Variants in SLC14A2 observed in about 807,000 individuals in gnomAD.
SLC14A2 encodes solute carrier family 14 member 2.
SLC14A2 carries 91 observed loss-of-function variants against 104.6 expected under a neutral mutation model. That is an observed-to-expected ratio of 0.87 (90% CI 0.73 to 1.04). The LOEUF is 1.04. Ranked by LOEUF, SLC14A2 falls within the 50% of genes least tolerant of loss-of-function variation. The pLI is 0.00. For synonymous variants in SLC14A2, 476 were observed against 466.4 expected (o/e 1.02, Z -0.27); for missense variants, 1,189 against 1,156.0 (o/e 1.03, Z -0.41).
rs2043340977 is a variant in SLC14A2, at chr18:45,509,917, C to G, written c.-35+26595C>G. 1.3e-5 allele frequency among the ~76,000 whole-genome samples: 2 copies of G among 152,188 alleles called. 1 individual carries two copies. The highest frequency in any genetic ancestry group is 4.1e-4 in the South Asian group (2 of 4,830). On this transcript the variant is annotated intron_variant, in intron 2 of 20. Coordinates refer to the SLC14A2 transcript ENST00000586448. ...GGTTCCATGTTAGAACCTGAGAGAC[C>G]TTGGAGAGGATCCCATCCATCCTCT...
At chr18:45,214,263 G>A (rs1251161495) in intron 1 of SLC14A2, among the ~76,000 whole-genome samples, 1 of 152,146 alleles carries the variant, frequency 6.6e-6, no homozygotes, top group Non-Finnish European at 1.5e-5. Context: ...GAAAGGCTTG[G>A]GTTTGTTTTG....
chr18:45,172,549 G>A, the SLC14A2 span, among the ~76,000 whole-genome samples: 3 of 152,016 alleles, frequency 2.0e-5, no homozygotes, highest in African/African-American at 7.2e-5. Context: ...ATTTATCAGT[G>A]GTTTAGGTGT....
In SLC14A2 at chr18:45,626,191, A is replaced by G. The variant is rs139961542; in HGVS notation, c.331+328A>G. ...ATTAGCAACATATAAGCCATTTCCC[A>G]AGCTAGCTGAATGATCATTCCTTCA... On this transcript the variant is annotated intron_variant, in intron 3 of 19. Coordinates refer to ENST00000255226, the MANE Select transcript of SLC14A2 (RefSeq NM_007163.4). Among the ~76,000 whole-genome samples the G allele has an allele frequency of 1.0e-3, 153 of 152,298 alleles. 2 individuals carry two copies. The highest frequency in any genetic ancestry group is 3.5e-3 in the African/African-American group (146 of 41,570).
At chr18:45,524,409 T>A (rs534135343) in intron 2 of SLC14A2, among the ~76,000 whole-genome samples, 2 of 152,166 alleles carry the variant, frequency 1.3e-5, no homozygotes, top group Non-Finnish European at 1.5e-5. Context: ...GTGAATAGAA[T>A]GCAAGAAAGA....
chr18:45,601,152 G>C (rs1156539380), intron 2 of SLC14A2, among the ~76,000 whole-genome samples: 1 of 152,166 alleles, frequency 6.6e-6, no homozygotes, highest in Non-Finnish European at 1.5e-5. Context: ...TGGTATGGTG[G>C]AAAAACAAAA....
chr18:45,527,226 T>C (rs564974850), intron 2 of SLC14A2, among the ~76,000 whole-genome samples: 89 of 152,304 alleles, frequency 5.8e-4, no homozygotes, highest in African/African-American at 2.0e-3. Flanking sequence ...GGATGGCAGA[T>C]TTATCAAGGT....
At chr18:45,555,827 A>T (rs1304597276) in intron 2 of SLC14A2, among the ~76,000 whole-genome samples, 1 of 152,204 alleles carries the variant, frequency 6.6e-6, no homozygotes, top group East Asian at 1.9e-4. Context: ...AATTACAAAG[A>T]AAACAGGGAT....
chr18:45,198,410 T>C, the SLC14A2 span, among the ~76,000 whole-genome samples: 1 of 152,194 alleles, frequency 6.6e-6, no homozygotes, highest in Non-Finnish European at 1.5e-5. Context: ...TTGCATCTAG[T>C]TGGTCACATT....
At chr18:45,442,229 T>C (rs1296478594) in intron 1 of SLC14A2, among the ~76,000 whole-genome samples, 2 of 152,218 alleles carry the variant, frequency 1.3e-5, no homozygotes, top group African/African-American at 4.8e-5. Context: ...AGGATAGGAC[T>C]ATTCAAAGGC....
chr18:45,499,998 G>A (rs182507065), intron 2 of SLC14A2, among the ~76,000 whole-genome samples: 1 of 152,316 alleles, frequency 6.6e-6, no homozygotes, highest in African/African-American at 2.4e-5. Flanking sequence ...TGACGATAGA[G>A]CATTCCTACA....
chr18:45,542,046 T>TG (rs1568268299), intron 2 of SLC14A2, among the ~76,000 whole-genome samples: 221 of 105,322 alleles, frequency 2.1e-3, no homozygotes, highest in Middle Eastern at 8.8e-3. Context: ...TTTTTTTTTT[T>TG]TTTTTTTTTT....
intron 1 of SLC14A2, among the ~76,000 whole-genome samples, chr18:45,279,809 G>A (rs1161579247): frequency 3.3e-5 from 5 of 152,158 alleles, no homozygotes; most frequent in African/African-American, 1.2e-4. Context: ...CGACCCATGA[G>A]AACAGAAGCT....
chr18:45,436,395 T>C (rs1173039555), intron 1 of SLC14A2, among the ~76,000 whole-genome samples: 2 of 152,128 alleles, frequency 1.3e-5, no homozygotes, highest in African/African-American at 4.8e-5. Context: ...TAATGGTAAT[T>C]TATCCACAGA....
chr18:45,488,275 C>A (rs1050729308), intron 2 of SLC14A2, among the ~76,000 whole-genome samples: 2 of 152,092 alleles, frequency 1.3e-5, no homozygotes, highest in African/African-American at 4.8e-5. Context: ...AGGAAAAAAA[C>A]AAGCAGATTG....
At chr18:45,195,912 C>T in the SLC14A2 span, among the ~76,000 whole-genome samples, 3 of 151,858 alleles carry the variant, frequency 2.0e-5, no homozygotes, top group African/African-American at 7.3e-5. Context: ...TTTAATTGAG[C>T]AAAGAAAAAT....
In SLC14A2 at chr18:45,229,942, G is replaced by A. The variant is rs142905272; in HGVS notation, c.-125+16751G>A. On this transcript the variant is annotated intron_variant, in intron 1 of 20. Coordinates refer to the SLC14A2 transcript ENST00000586448. ...GTGCTTGCTACACAGCCTTGGGCAAGTCAGTTAATATTCTCAGGCCTCTGT... is the reference window on the plus strand; with the variant it reads ...GTGCTTGCTACACAGCCTTGGGCAAATCAGTTAATATTCTCAGGCCTCTGT... Among the ~76,000 whole-genome samples the A allele has an allele frequency of 4.8e-3, 733 of 152,334 alleles. 10 individuals are homozygous for A. Among genetic ancestry groups the A allele is most frequent in the African/African-American group, 0.016 (678 of 41,582 alleles).
chr18:45,353,160 A>G (rs2085519318), intron 1 of SLC14A2, among the ~76,000 whole-genome samples: 1 of 152,190 alleles, frequency 6.6e-6, no homozygotes, highest in Non-Finnish European at 1.5e-5. Flanking sequence ...CTGTTAAGCT[A>G]GGTTACCGTT....
At chr18:45,178,218 G>A in the SLC14A2 span, among the ~76,000 whole-genome samples, 1 of 152,082 alleles carries the variant, frequency 6.6e-6, no homozygotes, top group African/African-American at 2.4e-5. Flanking sequence ...CATAAGAAAA[G>A]TGAACAGCTA....
the SLC14A2 span, among the ~76,000 whole-genome samples, chr18:45,196,418 G>T: frequency 6.6e-6 from 1 of 152,186 alleles, no homozygotes; most frequent in Non-Finnish European, 1.5e-5. Flanking sequence ...AAGCTGCTCA[G>T]CTAAAGGACT....
Sources: allele counts gnomAD v4.1 joint callset (sites outside exome capture counted in the v4.1 genomes callset), GRCh38; gene constraint gnomAD v4.1.1; transcripts MANE v1.5; gene names NCBI Gene and HGNC (gene_info 2026-07-23, HGNC 2026-07-21).